The following KHDRBS2 variants were observed in gnomAD, a reference collection of about 807,000 sequenced individuals.
KHDRBS2 encodes KH RNA binding domain containing, signal transduction associated 2, also known as KH domain-containing, RNA-binding, signal transduction-associated protein 2.
Under a neutral mutation model 44.3 loss-of-function variants are expected in KHDRBS2, and 26 were observed. The observed-to-expected ratio is 0.59, with a 90% CI of 0.43 to 0.81. The LOEUF (loss-of-function observed/expected upper bound fraction) is 0.81. KHDRBS2 is among the 40% of genes least tolerant of loss of function. The pLI, the probability that KHDRBS2 is intolerant of heterozygous loss-of-function variation, is 0.00. For synonymous variants in KHDRBS2, 194 were observed against 151.1 expected (o/e 1.28, Z -2.08); for missense variants, 476 against 433.1 (o/e 1.10, Z -0.88).
At chr6:62,147,285 A>G (rs947863964) in intron 2 of KHDRBS2, among the ~76,000 whole-genome samples, 3 of 151,842 alleles carry the variant, frequency 2.0e-5, no homozygotes, top group Admixed American at 2.0e-4. Flanking sequence ...CTTTTTTTCT[A>G]TCCCTTCCCA....
chr6:61,880,622 C>T (rs1022955691), intron 6 of KHDRBS2, among the ~76,000 whole-genome samples: 8 of 151,818 alleles, frequency 5.3e-5, no homozygotes, highest in Non-Finnish European at 1.0e-4. Flanking sequence ...TTTTAAAGAT[C>T]TGGTTTCAAA....
At chr6:61,577,575 T>C in the KHDRBS2 span, among the ~76,000 whole-genome samples, 2 of 152,172 alleles carry the variant, frequency 1.3e-5, no homozygotes, top group Non-Finnish European at 2.9e-5. Flanking sequence ...ATGAATATTT[T>C]TGGTAAATCA....
chr6:62,198,295 A>C (rs1826118404), intron 1 of KHDRBS2, among the ~76,000 whole-genome samples: 1 of 152,036 alleles, frequency 6.6e-6, no homozygotes, highest in African/African-American at 2.4e-5. Flanking sequence ...AATGAATCCA[A>C]GAGTGGTTTT....
intron 4 of KHDRBS2, among the ~76,000 whole-genome samples, chr6:61,946,698 A>G (rs1250633289): frequency 6.6e-6 from 1 of 152,204 alleles, no homozygotes; most frequent in Non-Finnish European, 1.5e-5. Flanking sequence ...AGATGAGGGT[A>G]GGAAATAGCT....
chr6:62,239,616 T>C (rs1215395418), intron 1 of KHDRBS2, among the ~76,000 whole-genome samples: 1 of 151,934 alleles, frequency 6.6e-6, no homozygotes, highest in African/African-American at 2.4e-5. Context: ...ACAAGTGTGC[T>C]TTTGGGGGGA....
At chr6:61,614,429 A>G in the KHDRBS2 span, among the ~76,000 whole-genome samples, 1 of 152,230 alleles carries the variant, frequency 6.6e-6, no homozygotes, top group Non-Finnish European at 1.5e-5. Context: ...AAGATTTCCT[A>G]GTGTGACAAC....
intron 2 of KHDRBS2, among the ~76,000 whole-genome samples, chr6:62,088,528 G>C (rs1798853201): frequency 6.6e-6 from 1 of 152,164 alleles, no homozygotes; most frequent in Non-Finnish European, 1.5e-5. Context: ...ATCACCAGTG[G>C]AGGCTGCAGA....
chr6:62,170,711 A>C (rs1333213523), intron 2 of KHDRBS2, among the ~76,000 whole-genome samples: 3 of 152,044 alleles, frequency 2.0e-5, no homozygotes, highest in East Asian at 1.9e-4. Context: ...ACTCCCCATC[A>C]AACAGTTGTG....
the KHDRBS2 span, among the ~76,000 whole-genome samples, chr6:61,655,943 G>T: frequency 6.6e-6 from 1 of 152,064 alleles, no homozygotes; most frequent in Admixed American, 6.6e-5. Flanking sequence ...GTATTCAGTA[G>T]GAAGTTTGGG....
intron 1 of KHDRBS2, among the ~76,000 whole-genome samples, chr6:62,276,660 T>C (rs1256867819): frequency 6.6e-6 from 1 of 152,236 alleles, no homozygotes; most frequent in African/African-American, 2.4e-5. Context: ...TATTTGACTT[T>C]TATAAGCTAT....
intron 3 of KHDRBS2, among the ~76,000 whole-genome samples, chr6:61,984,715 A>G (rs1203881078): frequency 6.6e-6 from 1 of 152,218 alleles, no homozygotes; most frequent in Non-Finnish European, 1.5e-5. Flanking sequence ...CTCAGTACTG[A>G]GCAACTGCCA....
the KHDRBS2 span, among the ~76,000 whole-genome samples, chr6:61,668,751 C>T: frequency 5.3e-5 from 8 of 150,942 alleles, no homozygotes; most frequent in African/African-American, 1.9e-4. Flanking sequence ...CTTTCCAAAT[C>T]TTTTTCCTTG....
chr6:62,091,452 C>T (rs555266519), intron 2 of KHDRBS2, among the ~76,000 whole-genome samples: 25 of 152,152 alleles, frequency 1.6e-4, no homozygotes, highest in African/African-American at 5.8e-4. Flanking sequence ...TAGAAAGCTA[C>T]CAAATTAAGT....
At chr6:61,802,276 T>C (rs1715033) in intron 6 of KHDRBS2, among the ~76,000 whole-genome samples, 23,436 of 152,198 alleles carry the variant, frequency 0.15, 2,452 homozygotes, top group South Asian at 0.27. Context: ...GACTTCTGAC[T>C]TACAGAAATG....
At chr6:62,097,367 CTCTT>C (rs1287290899) in intron 2 of KHDRBS2, among the ~76,000 whole-genome samples, 3 of 151,898 alleles carry the variant, frequency 2.0e-5, no homozygotes, top group Non-Finnish European at 4.4e-5. Context: ...CTATTTCTCT[CTCTT>C]TAAGTCTAAT....
chr6:61,729,723 T>C (rs1774143661), intron 7 of KHDRBS2, among the ~76,000 whole-genome samples: 1 of 152,184 alleles, frequency 6.6e-6, no homozygotes, highest in African/African-American at 2.4e-5. Flanking sequence ...AGACTCTTAT[T>C]TGCAATTTGT....
rs980755664 is a variant in KHDRBS2, at chr6:62,210,417, G to A, written c.92-33105C>T. On this transcript the variant is annotated intron_variant, in intron 1 of 8. Coordinates refer to ENST00000281156, the MANE Select transcript of KHDRBS2 (RefSeq NM_152688.4). ...ACAATCTTGGCTCATTGCAAACTCC[G>A]CCTCCCAGGTTCAAGCAATTATCCT... Among the ~76,000 whole-genome samples, 11 of 141,690 alleles carry A rather than the reference G, an allele frequency of 7.8e-5. No homozygotes were observed. In the South Asian group the frequency reaches 1.4e-3, roughly 18 times the overall value. The allele number at this position is 141,690 out of a possible 152,430, so 93.0% of individuals were successfully genotyped here. A position where few individuals can be genotyped will look rare whatever the true frequency, so the allele number is the denominator to read the frequency against.
chr6:62,033,454 T>C (rs1784709898), intron 3 of KHDRBS2, among the ~76,000 whole-genome samples: 1 of 151,792 alleles, frequency 6.6e-6, no homozygotes, highest in South Asian at 2.1e-4. Flanking sequence ...GTAAAGCTAC[T>C]AAAGCAGCAA....
intron 1 of KHDRBS2, among the ~76,000 whole-genome samples, chr6:62,239,712 G>T (rs1316933676): frequency 9.2e-5 from 14 of 152,076 alleles, no homozygotes; most frequent in Non-Finnish European, 1.8e-4. Context: ...TTGAGATGGA[G>T]CCTTGCTCTG....
Sources: allele counts gnomAD v4.1 joint callset (sites outside exome capture counted in the v4.1 genomes callset), GRCh38; gene constraint gnomAD v4.1.1; transcripts MANE v1.5; gene names NCBI Gene and HGNC (gene_info 2026-07-23, HGNC 2026-07-21).